Variants in PYHIN1 observed in about 807,000 individuals in gnomAD.
PYHIN1 encodes pyrin and HIN domain-containing protein 1.
Under a neutral mutation model 43.7 loss-of-function variants are expected in PYHIN1, and 32 were observed. The observed-to-expected ratio is 0.73, with a 90% CI of 0.55 to 0.98. The LOEUF (loss-of-function observed/expected upper bound fraction) is 0.98. Among genes scored for constraint, PYHIN1 ranks in the 50% least tolerant of loss-of-function variants. PYHIN1 has a pLI of 0.00. For synonymous variants in PYHIN1, 205 were observed against 203.1 expected, an observed-to-expected ratio of 1.01 and a Z score of -0.08; for missense variants, 588 against 589.5, an observed-to-expected ratio of 1.00 and a Z score of 0.03.
At chr1:158,943,363 T>C (rs1455432498) in intron 5 of PYHIN1, among the ~76,000 whole-genome samples, 1 of 152,192 alleles carries the variant, frequency 6.6e-6, no homozygotes, top group Non-Finnish European at 1.5e-5. Context: ...AGTAATTAGA[T>C]AGTTACTAGA....
chr1:158,980,367 A>G (rs903611353), downstream of PYHIN1, among the ~76,000 whole-genome samples: 1 of 152,106 alleles, frequency 6.6e-6, no homozygotes, highest in African/African-American at 2.4e-5. Flanking sequence ...AGGGAAGACA[A>G]CCGTAAGCTC....
Position 158,938,480 on chromosome 1 carries a change from C to A in PYHIN1, c.349C>A (p.Pro117Thr), listed in dbSNP as rs1291932634. ...ACAGAAAGAAGTGTATCCTGCTACACCTGCATGCACCCCAAGCAACCGTCT... is the reference window on the plus strand; with the variant it reads ...ACAGAAAGAAGTGTATCCTGCTACAACTGCATGCACCCCAAGCAACCGTCT... ...TKQKEVYPATPACTPSNRLTA... is the reference protein window; with the variant it reads ...TKQKEVYPATTACTPSNRLTA... Residue 117 changes from proline to threonine, a missense_variant, in exon 3 of 9, where the codon CCT becomes ACT. Pro to Thr is a conservative substitution (Grantham distance 38). Coordinates refer to ENST00000368140, the MANE Select transcript of PYHIN1 (RefSeq NM_152501.5). The A allele has an allele frequency of 5.0e-6, 8 of 1,614,160 alleles. No individual in the cohort carries two copies. The South Asian group carries it at 8.8e-5, about 18-fold the overall frequency.
chr1:158,988,897 C>T, the PYHIN1 span, among the ~76,000 whole-genome samples: 3 of 152,124 alleles, frequency 2.0e-5, no homozygotes, highest in Admixed American at 6.6e-5. Flanking sequence ...GCTGGATAAC[C>T]TCTTGCTAAA....
intron 7 of PYHIN1, 144 bp downstream of exon 7, chr1:158,945,186 A>G: frequency 4.3e-6 from 3 of 705,452 alleles, no homozygotes; most frequent in South Asian, 2.6e-5. Flanking sequence ...TATTGAATGC[A>G]TACAGTGAGA....
intron 7 of PYHIN1, among the ~76,000 whole-genome samples, chr1:158,952,644 G>T (rs1649621201): frequency 6.6e-6 from 1 of 152,120 alleles, no homozygotes; most frequent in South Asian, 2.1e-4. Flanking sequence ...TCTTCTGGTT[G>T]CAATGAACCA....
intron 2 of PYHIN1, among the ~76,000 whole-genome samples, chr1:158,937,958 A>G (rs1407842764): frequency 6.6e-6 from 1 of 151,986 alleles, no homozygotes; most frequent in African/African-American, 2.4e-5. Flanking sequence ...AAAAAAAAAA[A>G]AGAAAAAAAG....
chr1:158,990,373 CT>C, the PYHIN1 span, among the ~76,000 whole-genome samples: 9 of 150,632 alleles, frequency 6.0e-5, no homozygotes, highest in Admixed American at 1.3e-4. Flanking sequence ...TCTATTATTT[CT>C]TTTTTTTTAA....
intron 7 of PYHIN1, 109 bp downstream of exon 7, chr1:158,945,151 G>A: frequency 8.8e-7 from 1 of 1,140,104 alleles, no homozygotes; most frequent in Non-Finnish European, 1.2e-6. Flanking sequence ...ACAATCTCTA[G>A]ATAAAATTAA....
At position 158,937,068 on chromosome 1, in the gene PYHIN1, A is replaced by C; in HGVS notation, c.158A>C (p.Glu53Ala). 6.2e-7 allele frequency: 1 copy of C among 1,614,224 alleles called. No individual in the cohort carries two copies. Among genetic ancestry groups the C allele is most frequent in the South Asian group, 1.1e-5 (1 of 91,078 alleles). ...YDKIQIADLM[E>A]EKFPGDAGLG... is the part of the protein sequence containing the mutation. ...AAAATTCAGATTGCTGACTTGATGG[A>C]GGAAAAGTTCCCAGGTGATGCCGGT... The change falls in exon 2 of 9, where the codon GAG becomes GCG. Residue 53 changes from glutamate (E) to alanine (A), a missense_variant. Coordinates refer to ENST00000368140, the MANE Select transcript of PYHIN1 (RefSeq NM_152501.5).
the PYHIN1 span, among the ~76,000 whole-genome samples, chr1:158,990,325 T>C: frequency 6.6e-6 from 1 of 152,150 alleles, no homozygotes; most frequent in Admixed American, 6.6e-5. Context: ...GATGGTGAGT[T>C]CTCTGTTGTG....
chr1:158,936,323 T>A (rs982113036), intron 1 of PYHIN1, among the ~76,000 whole-genome samples: 1 of 150,286 alleles, frequency 6.7e-6, no homozygotes, highest in Non-Finnish European at 1.5e-5. Flanking sequence ...TGGTTTTTTG[T>A]CCTTGCGATA....
intron 1 of PYHIN1, among the ~76,000 whole-genome samples, chr1:158,934,408 T>C (rs1302198886): frequency 6.6e-6 from 1 of 152,210 alleles, no homozygotes; most frequent in Non-Finnish European, 1.5e-5. Context: ...TGGGCCAGCA[T>C]TATATAAAAA....
chr1:158,980,118 G>A (rs376537271), downstream of PYHIN1, among the ~76,000 whole-genome samples: 2 of 152,166 alleles, frequency 1.3e-5, no homozygotes, highest in East Asian at 1.9e-4. Flanking sequence ...CCACAGCAGA[G>A]GAACATAAAT....
intron 4 of PYHIN1, 54 bp from the exon 5 acceptor site, chr1:158,941,923 C>T: frequency 6.7e-7 from 1 of 1,498,358 alleles, no homozygotes; most frequent in Non-Finnish European, 8.9e-7. Flanking sequence ...AAGAGCAATT[C>T]TGTATTCCTC....
intron 4 of PYHIN1, among the ~76,000 whole-genome samples, chr1:158,941,329 G>T (rs1389453654): frequency 2.0e-5 from 3 of 152,188 alleles, no homozygotes; most frequent in Admixed American, 2.0e-4. Context: ...CTGTCAGCAT[G>T]CTACCTCCTA....
chr1:158,980,263 A>C (rs1651441747), downstream of PYHIN1, among the ~76,000 whole-genome samples: 1 of 152,168 alleles, frequency 6.6e-6, no homozygotes, highest in South Asian at 2.1e-4. Flanking sequence ...CCACTGTGAT[A>C]ATTGTTAACT....
intron 7 of PYHIN1, among the ~76,000 whole-genome samples, chr1:158,958,088 T>C (rs1650070111): frequency 6.6e-6 from 1 of 152,076 alleles, no homozygotes; most frequent in African/African-American, 2.4e-5. Context: ...ATGGCAATCA[T>C]CAAAAAGTCA....
At chr1:158,989,138 G>T in the PYHIN1 span, among the ~76,000 whole-genome samples, 12 of 152,188 alleles carry the variant, frequency 7.9e-5, no homozygotes, top group Admixed American at 6.5e-5. Context: ...TTTTAAAAGA[G>T]ATAACATATT....
At chr1:158,958,570 C>G (rs562345698) in intron 7 of PYHIN1, among the ~76,000 whole-genome samples, 27 of 128,456 alleles carry the variant, frequency 2.1e-4, no homozygotes, top group African/African-American at 8.3e-4. Flanking sequence ...ATCACATGGA[C>G]ACAGGAAGGG....
Sources: gnomAD v4.1 joint callset for allele counts (sites outside exome capture counted in the v4.1 genomes callset) on GRCh38, gnomAD v4.1.1 for gene constraint, MANE v1.5 for transcripts, NCBI Gene and HGNC (gene_info 2026-07-23, HGNC 2026-07-21) for gene names.